The following MYH9 variants were observed in gnomAD, a reference collection of about 807,000 sequenced individuals.
The protein encoded by MYH9 is myosin-9.
MYH9 carries 29 observed loss-of-function variants against 241.9 expected under a neutral mutation model. The observed-to-expected ratio is 0.12, with a 90% confidence interval of 0.09 to 0.16. The LOEUF is 0.16. Among genes scored for constraint, MYH9 ranks in the 10% least tolerant of loss-of-function variants. The pLI, the probability that MYH9 is intolerant of heterozygous loss-of-function variation, is 1.00. For synonymous variants in MYH9, 1,047 were observed against 1,062.6 expected, an observed-to-expected ratio of 0.99 and a Z score of 0.29; for missense variants, 1,803 against 2,595.5, an observed-to-expected ratio of 0.69 and a Z score of 6.63.
In MYH9 at chr22:36,291,919, G is replaced by A. The variant is rs900931000; in HGVS notation, c.4344+67C>T. On this transcript the variant is annotated intron_variant, in intron 31 of 40. Transcript: ENST00000216181. ...AGGGAGCCCAGGCTTTCTCTGATGG[G>A]CCCTTTGCTTTGGACTCAGTGCTTG... 8.1e-6 allele frequency: 13 copies of A among 1,609,670 alleles called. No homozygotes were observed. In the African/African-American group the frequency reaches 1.2e-4, roughly 15 times the overall value.
chr22:36,316,871 A>C (rs564870426), intron 11 of MYH9, among the ~76,000 whole-genome samples: 1 of 152,318 alleles, frequency 6.6e-6, no homozygotes, highest in South Asian at 2.1e-4. Context: ...ACAACCTAAT[A>C]TCTAACAATA....
In MYH9 at chr22:36,310,047, CGA is replaced by C. The variant is rs1392825596; in HGVS notation, c.1729-653_1729-652del. On this transcript the variant is annotated intron_variant, in intron 14 of 40. Coordinates refer to ENST00000216181, the MANE Select transcript of MYH9 (RefSeq NM_002473.6). ...GGTGGATCACCTGAGGTCAGGAGTT[CGA>C]GACCAGCCTGGCCAACATGGCAAAA... Among the ~76,000 whole-genome samples, 21 of 151,842 alleles carry C rather than the reference CGA, an allele frequency of 1.4e-4. No individual in the cohort carries two copies. The East Asian group carries it at 4.1e-3, about 30-fold the overall frequency.
Position 36,285,529 on chromosome 22 carries a change from G to T in MYH9, c.5274+129C>A. On this transcript the variant is annotated intron_variant, in intron 37 of 40. Transcript: ENST00000216181. This position sits in a 1 kb window ranked among gnomAD's most constrained non-coding sequence, Gnocchi z 7.0. ...GGGGACCTTTCAGGTCCAGGTGCCT[G>T]GACATTTTCCCCTAAGCGCCTGGGG... 1.4e-6 allele frequency: 2 copies of T among 1,467,794 alleles called. No homozygotes were observed. The highest frequency in any genetic ancestry group is 2.4e-5 in the East Asian group (1 of 42,122). The allele number at this position is 1,467,794 out of a possible 1,614,324, so 90.9% of individuals were successfully genotyped here.
Position 36,288,169 on chromosome 22 carries a change from C to T in MYH9, c.4932+83G>A. The T allele has an allele frequency of 6.4e-7, 1 of 1,573,010 alleles. No individual in the cohort carries two copies. The highest frequency in any genetic ancestry group is 1.1e-5 in the South Asian group (1 of 89,914). On this transcript the variant is annotated intron_variant, in intron 34 of 40. Coordinates refer to ENST00000216181, the MANE Select transcript of MYH9 (RefSeq NM_002473.6). The surrounding 1 kb of genome is among the most constrained non-coding windows in gnomAD (Gnocchi z 4.8). ...AGGTGCCACCCTGCCAGGTTCCCGC[C>T]CTGGGCCGAGCCCTGGCACCTTCAT...
rs2016947101 is a variant in MYH9, at chr22:36,305,051, C to T, written c.2211G>A (p.Lys737=). Residue 737 remains lysine, a synonymous_variant, in exon 18 of 41, where the codon AAG becomes AAA. Coordinates refer to ENST00000216181, the MANE Select transcript of MYH9 (RefSeq NM_002473.6). This position sits in a 1 kb window ranked among gnomAD's most constrained non-coding sequence, Gnocchi z 4.7. The stretch of plus-strand genomic sequence containing the variant: ...AACTCACCATGAGCACGCACGCCTG[C>T]TTCCCGTCCATGAAACCCTTGGGAA... ...NSIPKGFMDG[K]QACVLMIKAL... 2 of 1,613,964 alleles carry T rather than the reference C, an allele frequency of 1.2e-6. No individual in the cohort carries two copies. Among genetic ancestry groups the T allele is most frequent in the African/African-American group, 1.3e-5 (1 of 74,926 alleles).
Position 36,285,934 on chromosome 22 carries a change from C to T in MYH9, c.5081G>A (p.Arg1694His), listed in dbSNP as rs538330756. The change falls in exon 36 of 41, where the codon CGT becomes CAT. Residue 1694 changes from arginine to histidine, a missense_variant. Arg to His is a conservative substitution (Grantham distance 29). Transcript: ENST00000216181. The surrounding 1 kb of genome is among the most constrained non-coding windows in gnomAD (Gnocchi z 7.0). Reference sequence around the variant, plus strand: ...CTCCTGCTGGGCCTGGCGCTTGGCACGCTCCGCGGCTGCCAGTTCCTGCCA... The same window carrying T: ...CTCCTGCTGGGCCTGGCGCTTGGCATGCTCCGCGGCTGCCAGTTCCTGCCA... ...QLQEELAAAE[R>H]AKRQAQQERD... The T allele has an allele frequency of 3.0e-5, 48 of 1,611,080 alleles. No individual in the cohort carries two copies. The highest frequency in any genetic ancestry group is 1.5e-4 in the African/African-American group (11 of 74,982).
chr22:36,348,851 C>G lies in MYH9; in HGVS notation c.333+53G>C, dbSNP rs1010713304. ...GTGATGGGAAGACCCGCCCCCCCCC[C>G]CCACCTCGGAGCCCTCAGACCCAGC... is the stretch of plus-strand genomic sequence containing the variant. On this transcript the variant is annotated intron_variant, in intron 2 of 40. Transcript: ENST00000216181. The G allele has an allele frequency of 5.1e-4, 592 of 1,155,216 alleles. 19 individuals are homozygous for G. In the African/African-American group the frequency reaches 7.0e-3, roughly 14 times the overall value. The allele number at this position is 1,155,216 out of a possible 1,614,324, so 71.6% of individuals were successfully genotyped here. A position where few individuals can be genotyped will look rare whatever the true frequency, so the allele number is the denominator to read the frequency against.
intron 34 of MYH9, among the ~76,000 whole-genome samples, chr22:36,287,186 C>G (rs1181065865): frequency 6.6e-6 from 1 of 152,228 alleles, no homozygotes; most frequent in Non-Finnish European, 1.5e-5. Flanking sequence ...CCTGCCGGTC[C>G]ATCCCCACCA....
At chr22:36,352,761 G>A (rs945879312) in intron 1 of MYH9, among the ~76,000 whole-genome samples, 28 of 152,282 alleles carry the variant, frequency 1.8e-4, no homozygotes, top group African/African-American at 5.5e-4. Flanking sequence ...GACACCCCCC[G>A]CCTCCAAGGA....
chr22:36,368,842 C>A (rs1334235368), intron 1 of MYH9, among the ~76,000 whole-genome samples: 1 of 148,522 alleles, frequency 6.7e-6, no homozygotes, highest in African/African-American at 2.5e-5. Context: ...GAAGAGCCTG[C>A]GAAGCCTGCC....
rs548766524 is a variant in MYH9 at position 36,337,031 on chromosome 22, G to C, written c.490+4339C>G. On this transcript the variant is annotated intron_variant, in intron 3 of 40. Transcript: ENST00000216181. The stretch of plus-strand genomic sequence containing the variant: ...AGCACTAATCCATCTCAGAATTCCT[G>C]CATCGAGTCTCAAATCCTTGCCAGC... 1.1e-4 allele frequency among the ~76,000 whole-genome samples: 17 copies of C among 152,320 alleles called. No homozygotes were observed. The East Asian group carries it at 2.3e-3, about 21-fold the overall frequency.
chr22:36,360,030 A>ACACCACCACCACCACCAC (rs136207), intron 1 of MYH9, among the ~76,000 whole-genome samples: 7,635 of 102,054 alleles, frequency 0.075, 759 homozygotes, highest in Non-Finnish European at 0.11. Context: ...ATGAGGACAA[A>ACACCACCACCACCACCAC]CACCACCACC....
rs2017390764 is a variant in MYH9, at chr22:36,329,598, C to G, written c.491-2110G>C. ...TGGCAAGTCGTGAGCAGCCAACGGC[C>G]CAATGCTACCATAAAAGGAAACATT... is the stretch of plus-strand genomic sequence containing the variant. On this transcript the variant is annotated intron_variant, in intron 3 of 40. Transcript: ENST00000216181. This position sits in a 1 kb window ranked among gnomAD's most constrained non-coding sequence, Gnocchi z 4.1. Among the ~76,000 whole-genome samples the G allele has an allele frequency of 6.6e-6, 1 of 152,200 alleles. No homozygotes were observed. The highest frequency in any genetic ancestry group is 2.4e-5 in the African/African-American group (1 of 41,424).
intron 35 of MYH9, among the ~76,000 whole-genome samples, chr22:36,286,253 G>A (rs1231761308): frequency 2.6e-5 from 4 of 152,234 alleles, no homozygotes; most frequent in Non-Finnish European, 4.4e-5. Context: ...GTCACTCAGG[G>A]CGGCCCCTCC....
intron 34 of MYH9, among the ~76,000 whole-genome samples, chr22:36,287,451 A>T (rs2016604828): frequency 6.7e-6 from 1 of 148,402 alleles, no homozygotes; most frequent in Non-Finnish European, 1.5e-5. Context: ...TACACTTAAC[A>T]TTTTTTTTTT....
Position 36,289,115 on chromosome 22 carries a change from A to T in MYH9, c.4527T>A (p.Leu1509=). 1 of 1,614,016 alleles carries T rather than the reference A, an allele frequency of 6.2e-7. No individual in the cohort carries two copies. The highest frequency in any genetic ancestry group is 8.5e-7 in the Non-Finnish European group (1 of 1,180,004). ...TGCCCACATCATCCTTGGAGCTCAT[A>T]AGGTCCTCCATCTCCGTGCGGAACT... ...NKQFRTEMED[L]MSSKDDVGKS... Residue 1509 remains leucine, a synonymous_variant, in exon 32 of 41, where the codon CTT becomes CTA. Transcript: ENST00000216181.
chr22:36,304,965 G>A, intron 18 of MYH9, 68 bp downstream of exon 18: 1 of 1,488,996 alleles, frequency 6.7e-7, no homozygotes. Context: ...GGTGGGCCCT[G>A]GCCACGTGGG....
intron 1 of MYH9, among the ~76,000 whole-genome samples, chr22:36,371,517 G>A (rs752958260): frequency 6.6e-6 from 1 of 152,116 alleles, no homozygotes; most frequent in Non-Finnish European, 1.5e-5. Context: ...CATCATAGCA[G>A]CCTGAGCAAT....
intron 13 of MYH9, among the ~76,000 whole-genome samples, chr22:36,313,874 T>C (rs1427877318): frequency 6.6e-6 from 1 of 152,050 alleles, no homozygotes; most frequent in East Asian, 1.9e-4. Context: ...GAAAACAGGA[T>C]GCTAGGGCCC....
Sources: allele counts gnomAD v4.1 joint callset (sites outside exome capture counted in the v4.1 genomes callset), GRCh38; gene constraint gnomAD v4.1.1; non-coding constraint Gnocchi (gnomAD v3.1); transcripts MANE v1.5; gene names NCBI Gene and HGNC (gene_info 2026-07-23, HGNC 2026-07-21).